Variants in GRHL3 observed in about 807,000 individuals in gnomAD.
GRHL3 encodes the protein grainyhead like transcription factor 3, also known as grainyhead-like protein 3 homolog.
GRHL3 carries 20 observed loss-of-function variants against 70.3 expected under a neutral mutation model. The observed-to-expected ratio is 0.28, with a 90% CI of 0.20 to 0.41. The LOEUF (loss-of-function observed/expected upper bound fraction) is 0.41. Among genes scored for constraint, GRHL3 ranks in the 10% least tolerant of loss-of-function variants. The probability of loss-of-function intolerance (pLI) is 1.00; values close to 1 mark genes in which losing one functional copy is unlikely to be tolerated. For synonymous variants in GRHL3, 299 were observed against 299.9 expected, an observed-to-expected ratio of 1.00 and a Z score of 0.03; for missense variants, 637 against 762.3, an observed-to-expected ratio of 0.84 and a Z score of 1.94.
downstream of GRHL3, among the ~76,000 whole-genome samples, chr1:24,356,570 G>A (rs562968500): frequency 2.6e-5 from 4 of 152,348 alleles, no homozygotes; most frequent in East Asian, 1.9e-4. Flanking sequence ...CCAAGTTGAA[G>A]TGGGTCTTTC....
chr1:24,344,748 T>G, intron 11 of GRHL3, 149 bp from the exon 12 acceptor site: 1 of 832,194 alleles, frequency 1.2e-6, no homozygotes. Context: ...TTAAGGGCAC[T>G]TGTCTGAGCA....
intron 8 of GRHL3, among the ~76,000 whole-genome samples, chr1:24,340,512 G>C (rs1367346473): frequency 6.6e-6 from 1 of 152,250 alleles, no homozygotes; most frequent in Non-Finnish European, 1.5e-5. Flanking sequence ...GGGCCTCGCT[G>C]TGTCTTGGTT....
chr1:24,343,021 G>T lies in GRHL3; in HGVS notation c.1415G>T (p.Gly472Val), dbSNP rs1345902201. 6.2e-7 allele frequency: 1 copy of T among 1,613,962 alleles called. No individual in the cohort carries two copies. The highest frequency in any genetic ancestry group is 8.5e-7 in the Non-Finnish European group (1 of 1,180,020). ...NVHFSSLQRS[G>V]GAAPSAGPSS... ...CACTTCTCCAGCCTGCAGCGCTCTGGAGGGGTGAGGCCAGGGCTGGGGTCT... is the reference window on the plus strand; with the variant it reads ...CACTTCTCCAGCCTGCAGCGCTCTGTAGGGGTGAGGCCAGGGCTGGGGTCT... The change falls in exon 11 of 16, where the codon GGA becomes GTA. Residue 472 changes from glycine (G) to valine (V), a missense_variant. Gly to Val is a moderately radical substitution (Grantham distance 109). This residue lies in a region of GRHL3 where 387 missense variants were observed against 513.8 expected (regional missense o/e 0.75). Transcript: ENST00000361548.
intron 1 of GRHL3, among the ~76,000 whole-genome samples, chr1:24,330,744 G>A (rs1300939175): frequency 6.6e-6 from 1 of 152,090 alleles, no homozygotes; most frequent in Non-Finnish European, 1.5e-5. Flanking sequence ...CTTGTCTCTT[G>A]AGCGAGATAA....
chr1:24,338,778 G>A (rs1639924849), intron 7 of GRHL3, among the ~76,000 whole-genome samples: 1 of 152,208 alleles, frequency 6.6e-6, no homozygotes, highest in Non-Finnish European at 1.5e-5. Context: ...AGGAGCATGG[G>A]TTCAGGAGCC....
chr1:24,346,870 G>A (rs1440222053), intron 13 of GRHL3, among the ~76,000 whole-genome samples: 1 of 152,244 alleles, frequency 6.6e-6, no homozygotes, highest in African/African-American at 2.4e-5. Flanking sequence ...GGACGTGGGA[G>A]TCCTGGGCAG....
chr1:24,337,729 C>A lies in GRHL3; in HGVS notation c.780C>A (p.Pro260=). 1 of 1,614,216 alleles carries A rather than the reference C, an allele frequency of 6.2e-7. No individual in the cohort carries two copies. The highest frequency in any genetic ancestry group is 8.5e-7 in the Non-Finnish European group (1 of 1,180,052). Residue 260 remains proline, a synonymous_variant, in exon 6 of 16, where the codon CCC becomes CCA. Coordinates refer to ENST00000361548, the MANE Select transcript of GRHL3 (RefSeq NM_198173.3). ...MAYLNKGQFY[P]VTLRTPAGGK... Reference sequence around the variant, plus strand: ...ACCTCAACAAAGGCCAGTTCTACCCCGTCACCCTGCGGACCCCAGCAGGTG... The same window carrying A: ...ACCTCAACAAAGGCCAGTTCTACCCAGTCACCCTGCGGACCCCAGCAGGTG...
At chr1:24,343,243 A>C (rs1459536778) in intron 11 of GRHL3, 3 of 538,870 alleles carry the variant, frequency 5.6e-6, no homozygotes, top group Non-Finnish European at 9.8e-6. Context: ...AGATTTCGTA[A>C]CCATTAAAAC....
At chr1:24,346,130 C>G (rs1452092091) in intron 12 of GRHL3, among the ~76,000 whole-genome samples, 1 of 151,850 alleles carries the variant, frequency 6.6e-6, no homozygotes, top group African/African-American at 2.4e-5. Flanking sequence ...ACCCCCCCAC[C>G]CCGCCTCACA....
intron 14 of GRHL3, 95 bp downstream of exon 14, chr1:24,347,648 A>G (rs1640343832): frequency 3.8e-6 from 4 of 1,042,316 alleles, no homozygotes; most frequent in Non-Finnish European, 3.0e-6. Flanking sequence ...CACAGGAGGG[A>G]ACCTTGGCAT....
chr1:24,332,025 G>A (rs776732682), intron 2 of GRHL3, among the ~76,000 whole-genome samples: 3 of 152,178 alleles, frequency 2.0e-5, no homozygotes, highest in Non-Finnish European at 4.4e-5. Context: ...TGTTGACCAA[G>A]TGGACAGTGC....
At chr1:24,351,340 C>T (rs1363064379) in intron 15 of GRHL3, among the ~76,000 whole-genome samples, 1 of 152,140 alleles carries the variant, frequency 6.6e-6, no homozygotes, top group African/African-American at 2.4e-5. Context: ...TCCTTGGTTC[C>T]TTCCTAGCCT....
exon 16 of GRHL3, chr1:24,364,459 C>T (rs1641325826): frequency 7.1e-7 from 1 of 1,407,370 alleles, no homozygotes; most frequent in Non-Finnish European, 9.3e-7. Context: ...TGAATACATT[C>T]TGGCTATTAC....
At chr1:24,364,468 A>G in exon 16 of GRHL3, 1 of 1,401,586 alleles carries the variant, frequency 7.1e-7, no homozygotes, top group Non-Finnish European at 9.3e-7. Context: ...TCTGGCTATT[A>G]CTTTGCATTT....
intron 2 of GRHL3, among the ~76,000 whole-genome samples, chr1:24,333,315 C>A (rs1038096511): frequency 2.6e-5 from 4 of 152,094 alleles, no homozygotes; most frequent in Admixed American, 1.3e-4. Context: ...AATCTGGCTT[C>A]GGGTAATATA....
intron 15 of GRHL3, among the ~76,000 whole-genome samples, chr1:24,352,541 G>T (rs1002975018): frequency 2.0e-4 from 30 of 152,194 alleles, no homozygotes; most frequent in African/African-American, 7.2e-4. Flanking sequence ...AAGCCCTCTT[G>T]TGCAGGTGTG....
chr1:24,330,289 T>G (rs1334458221), intron 1 of GRHL3, among the ~76,000 whole-genome samples: 1 of 152,226 alleles, frequency 6.6e-6, no homozygotes, highest in African/African-American at 2.4e-5. Flanking sequence ...GTAGTCACCC[T>G]GCTGTGAAAG....
intron 11 of GRHL3, 193 bp downstream of exon 11, chr1:24,343,218 A>C: frequency 1.7e-6 from 1 of 576,438 alleles, no homozygotes; most frequent in South Asian, 2.6e-5. Context: ...GAAGAGAAGA[A>C]TGTTATGAAG....
In GRHL3 at chr1:24,336,469, T is replaced by C; in HGVS notation, c.267-13T>C. ...AGAGAGAAGTACACTCAGCCCCTTT[T>C]CTTTCTCCCCAGGTACTACCATGGC... On this transcript the variant is annotated splice_polypyrimidine_tract_variant and intron_variant, in intron 3 of 15. Coordinates refer to ENST00000361548, the MANE Select transcript of GRHL3 (RefSeq NM_198173.3). The C allele has an allele frequency of 6.5e-7, 1 of 1,538,426 alleles. No individual in the cohort carries two copies. The highest frequency in any genetic ancestry group is 1.3e-5 in the South Asian group (1 of 79,694).
Sources: gnomAD v4.1 joint callset for allele counts (sites outside exome capture counted in the v4.1 genomes callset) on GRCh38, gnomAD v4.1.1 for gene constraint, gnomAD v4.1.1 regional missense constraint, MANE v1.5 for transcripts, NCBI Gene and HGNC (gene_info 2026-07-23, HGNC 2026-07-21) for gene names.